The following ZBTB1 variants were observed in gnomAD, a reference collection of about 807,000 sequenced individuals.
The protein encoded by ZBTB1 is zinc finger and BTB domain containing 1.
A neutral mutation model predicts 51.6 loss-of-function variants in ZBTB1; 13 were observed. The ratio of observed to expected loss-of-function variants is 0.25; its 90% CI spans 0.16 to 0.40. The LOEUF (loss-of-function observed/expected upper bound fraction) is 0.40. ZBTB1 is among the 10% of genes least tolerant of loss of function. ZBTB1 has a pLI of 1.00. For missense variants in ZBTB1, 567 were observed against 856.5 expected (o/e 0.66, Z 4.22); for synonymous variants, 240 against 282.2 (o/e 0.85, Z 1.50).
intron 1 of ZBTB1, among the ~76,000 whole-genome samples, chr14:64,515,470 C>G (rs931061727): frequency 6.6e-6 from 1 of 151,834 alleles, no homozygotes; most frequent in African/African-American, 2.4e-5. Context: ...GAGCAAACTC[C>G]TCTTGGAATT....
chr14:64,509,389 A>G (rs1018767003), intron 1 of ZBTB1, among the ~76,000 whole-genome samples: 5 of 152,086 alleles, frequency 3.3e-5, no homozygotes, highest in African/African-American at 1.2e-4. Context: ...GAAAAGAAAA[A>G]AGAAGTCCCA....
At chr14:64,513,335 G>A (rs2140110768) in intron 1 of ZBTB1, among the ~76,000 whole-genome samples, 1 of 152,244 alleles carries the variant, frequency 6.6e-6, no homozygotes, top group South Asian at 2.1e-4. Context: ...CATATAGTGA[G>A]ACATAACAAA....
chr14:64,505,024 A>ACT, intron 1 of ZBTB1, 78 bp downstream of exon 1: 2 of 386,230 alleles, frequency 5.2e-6, no homozygotes, highest in Non-Finnish European at 4.6e-6. Flanking sequence ...GGCCTGGCGG[A>ACT]GTGCGGGGCC....
At chr14:64,519,086 AAG>A (rs1447151376) in intron 1 of ZBTB1, among the ~76,000 whole-genome samples, 3 of 150,010 alleles carry the variant, frequency 2.0e-5, no homozygotes, top group African/African-American at 7.3e-5. Flanking sequence ...TACCTCTGAA[AAG>A]AGGTGTGTGA....
At chr14:64,525,738 T>C (rs191291392), downstream of ZBTB1, among the ~76,000 whole-genome samples, 1 of 152,340 alleles carries the variant, frequency 6.6e-6, no homozygotes, top group East Asian at 1.9e-4. Context: ...AGCAAGCAAA[T>C]ATATAAACTT....
rs2079869461 is a variant in ZBTB1 at position 64,522,420 on chromosome 14, A to G, written c.916A>G (p.Thr306Ala). 1 of 1,614,154 alleles carries G rather than the reference A, an allele frequency of 6.2e-7. No homozygotes were observed. The highest frequency in any genetic ancestry group is 1.3e-5 in the African/African-American group (1 of 75,078). ...AACCACTGGAAGCAGAAAAAGTAGC[A>G]CAGTGGAGTCTGAAATAGCAAGCGA... ...ASTTGSRKSS[T>A]VESEIASEEK... The change falls in exon 2 of 2, where the codon ACA (threonine) becomes GCA (alanine). Residue 306 changes from threonine to alanine, a missense_variant. Around this residue, in one of 5 missense-constraint regions of ZBTB1, gnomAD observed 329 missense variants for 406.3 expected, o/e 0.81. Coordinates refer to ENST00000683701, the MANE Select transcript of ZBTB1 (RefSeq NM_001123329.2).
In ZBTB1 at chr14:64,532,205, TG is replaced by T. The variant is rs538807383; in HGVS notation, c.*309del. 2.8e-4 allele frequency: 64 copies of T among 228,250 alleles called. No individual in the cohort carries two copies. The East Asian group carries it at 5.7e-3, about 20-fold the overall frequency. The allele number at this position is 228,250 out of a possible 1,614,324, so 14.1% of individuals were successfully genotyped here. A position where few individuals can be genotyped will look rare whatever the true frequency, so the allele number is the denominator to read the frequency against. On this transcript the variant is annotated 3_prime_UTR_variant, in exon 3 of 3. Transcript: ENST00000358738. ...AGCTATACTAAAATAAAACTTTATATGCTAATTATCTTCAAGGGTCTTTCTA... is the reference window on the plus strand; with the variant it reads ...AGCTATACTAAAATAAAACTTTATATCTAATTATCTTCAAGGGTCTTTCTA...
At chr14:64,507,720 T>TA (rs1260627234) in intron 1 of ZBTB1, among the ~76,000 whole-genome samples, 3 of 152,238 alleles carry the variant, frequency 2.0e-5, no homozygotes, top group Non-Finnish European at 4.4e-5. Flanking sequence ...ATTAAATACT[T>TA]ACTGTATCAT....
At chr14:64,528,462 T>C (rs923902355), downstream of ZBTB1, among the ~76,000 whole-genome samples, 3 of 151,196 alleles carry the variant, frequency 2.0e-5, no homozygotes, top group Non-Finnish European at 2.9e-5. Flanking sequence ...GCCAGTGCTC[T>C]CCAGACATCC....
chr14:64,504,647 G>T (rs975045555), upstream of ZBTB1: 1 of 333,146 alleles, frequency 3.0e-6, no homozygotes, highest in Non-Finnish European at 5.4e-6. Context: ...GTGGGCGGGC[G>T]AGAGGGAGGG....
chr14:64,504,543 T>C, upstream of ZBTB1: 1 of 181,064 alleles, frequency 5.5e-6, no homozygotes, highest in Non-Finnish European at 1.1e-5. Flanking sequence ...GCCCCCGCGG[T>C]GCGGGTTGCG....
At chr14:64,511,305 T>G (rs1714852264) in intron 1 of ZBTB1, 1 of 151,528 alleles carries the variant, frequency 6.6e-6, no homozygotes, top group African/African-American at 2.4e-5. Flanking sequence ...TGGATTAAAA[T>G]GTACTTTTCC....
At chr14:64,517,796 T>C (rs1445142154) in intron 1 of ZBTB1, among the ~76,000 whole-genome samples, 2 of 132,386 alleles carry the variant, frequency 1.5e-5, no homozygotes, top group Non-Finnish European at 3.3e-5. Context: ...TTTTTTTTTT[T>C]TTTTTTTGAG....
At position 64,524,753 on chromosome 14, in the gene ZBTB1, TATC is replaced by T. The variant is rs1390845833; in HGVS notation, c.*1110_*1112del. On this transcript the variant is annotated 3_prime_UTR_variant, in exon 2 of 2. Transcript: ENST00000683701. ...ATTGCAGTTTATCGCCATATTTTAT[TATC>T]ATTTTTTTCTGTAAAAGACTATAAA... 48 of 981,826 alleles carry T rather than the reference TATC, an allele frequency of 4.9e-5. No homozygotes were observed. The highest frequency in any genetic ancestry group is 4.5e-4 in the East Asian group (4 of 8,816). 60.8% of individuals were successfully genotyped at this position (981,826 alleles called of 1,614,324 possible).
intron 1 of ZBTB1, among the ~76,000 whole-genome samples, chr14:64,510,150 C>T (rs2079709919): frequency 6.6e-6 from 1 of 152,156 alleles, no homozygotes; most frequent in Non-Finnish European, 1.5e-5. Context: ...CTCACAATCT[C>T]ATGGGGGAGA....
chr14:64,528,056 G>A (rs2079916597), downstream of ZBTB1, among the ~76,000 whole-genome samples: 1 of 152,124 alleles, frequency 6.6e-6, no homozygotes, highest in Non-Finnish European at 1.5e-5. Flanking sequence ...GAAGCTGGTG[G>A]TGGTTGACAA....
intron 1 of ZBTB1, among the ~76,000 whole-genome samples, chr14:64,519,529 C>G (rs951601494): frequency 1.3e-5 from 2 of 150,284 alleles, no homozygotes; most frequent in Non-Finnish European, 3.0e-5. Context: ...TTTGGAAGCC[C>G]GAGGCAGGAG....
At chr14:64,530,488 T>C (rs2079934647) in intron 2 of ZBTB1, among the ~76,000 whole-genome samples, 1 of 152,040 alleles carries the variant, frequency 6.6e-6, no homozygotes, top group South Asian at 2.1e-4. Flanking sequence ...ATGCCTGTAG[T>C]CTCAGCTACT....
downstream of ZBTB1, among the ~76,000 whole-genome samples, chr14:64,529,333 C>T (rs930865809): frequency 3.9e-5 from 6 of 152,242 alleles, no homozygotes; most frequent in African/African-American, 7.2e-5. Context: ...TAATCTCTCC[C>T]GCCAATCTCC....
Sources: gnomAD v4.1 joint callset for allele counts (sites outside exome capture counted in the v4.1 genomes callset) on GRCh38, gnomAD v4.1.1 for gene constraint, gnomAD v4.1.1 regional missense constraint, MANE v1.5 for transcripts, NCBI Gene and HGNC (gene_info 2026-07-23, HGNC 2026-07-21) for gene names.